The following NXPE2 variants were observed in gnomAD, a reference collection of about 807,000 sequenced individuals.
NXPE2 encodes the protein neurexophilin and PC-esterase domain family member 2, also known as NXPE family member 2.
In NXPE2, 34 loss-of-function variants were observed where a neutral mutation model predicts 34.4. That is an observed-to-expected ratio of 0.99 (90% confidence interval 0.75 to 1.31). The LOEUF is 1.31. NXPE2 is among the 40% of genes most tolerant of loss of function. NXPE2 has a pLI of 0.00. For missense variants in NXPE2, 649 were observed against 672.5 expected, an observed-to-expected ratio of 0.97 and a Z score of 0.39; for synonymous variants, 235 against 231.3, an observed-to-expected ratio of 1.02 and a Z score of -0.15.
the NXPE2 span, among the ~76,000 whole-genome samples, chr11:114,556,225 A>G: frequency 6.6e-6 from 1 of 152,230 alleles, no homozygotes; most frequent in Admixed American, 6.5e-5. Context: ...ATTTACTTTA[A>G]GGTGGGTCTT....
chr11:114,759,048 GCACA>G, the NXPE2 span, among the ~76,000 whole-genome samples: 1 of 151,906 alleles, frequency 6.6e-6, no homozygotes, highest in South Asian at 2.1e-4. Flanking sequence ...ACACTCCACA[GCACA>G]CACACACGTG....
the NXPE2 span, among the ~76,000 whole-genome samples, chr11:114,567,550 G>C: frequency 6.6e-6 from 1 of 151,812 alleles, no homozygotes; most frequent in African/African-American, 2.4e-5. Context: ...ACCACATAGA[G>C]ATTCCTTTTA....
chr11:114,602,718 T>A, the NXPE2 span, among the ~76,000 whole-genome samples: 1 of 92,126 alleles, frequency 1.1e-5, no homozygotes, highest in Non-Finnish European at 2.1e-5. Flanking sequence ...CAGAATCACA[T>A]ATAATTATCT....
At chr11:114,737,505 A>T in the NXPE2 span, among the ~76,000 whole-genome samples, 1 of 152,230 alleles carries the variant, frequency 6.6e-6, no homozygotes. Flanking sequence ...CTTCTTGAGT[A>T]CTTACAGTGT....
the NXPE2 span, chr11:114,529,412 A>G: frequency 6.6e-6 from 1 of 152,266 alleles, no homozygotes; most frequent in Non-Finnish European, 1.5e-5. Flanking sequence ...GTTTCATTCT[A>G]ATCAACAAAG....
chr11:114,733,280 A>G, the NXPE2 span, among the ~76,000 whole-genome samples: 1 of 152,128 alleles, frequency 6.6e-6, no homozygotes, highest in Non-Finnish European at 1.5e-5. Flanking sequence ...TTTTTAGTAC[A>G]GACGGGGTTT....
chr11:114,510,445 A>G, the NXPE2 span, among the ~76,000 whole-genome samples: 3 of 152,090 alleles, frequency 2.0e-5, no homozygotes, highest in African/African-American at 7.2e-5. Flanking sequence ...TTGTTGCCCA[A>G]GCTGGTCTCA....
At chr11:114,564,563 A>C in the NXPE2 span, among the ~76,000 whole-genome samples, 2 of 152,164 alleles carry the variant, frequency 1.3e-5, no homozygotes, top group Non-Finnish European at 2.9e-5. Context: ...AATACAGAAT[A>C]GCCATATGAA....
At chr11:114,647,916 C>T in the NXPE2 span, among the ~76,000 whole-genome samples, 148 of 152,148 alleles carry the variant, frequency 9.7e-4, 1 homozygote, top group East Asian at 0.027. Flanking sequence ...TGCCCAGTCT[C>T]GTCTTGAACT....
the NXPE2 span, among the ~76,000 whole-genome samples, chr11:114,533,298 G>A: frequency 8.8e-4 from 134 of 152,196 alleles, no homozygotes; most frequent in African/African-American, 3.1e-3. Context: ...CAATACATTC[G>A]AGCGGGGTGG....
the NXPE2 span, among the ~76,000 whole-genome samples, chr11:114,638,362 C>A: frequency 2.0e-5 from 3 of 151,904 alleles, no homozygotes; most frequent in African/African-American, 7.2e-5. Context: ...GTTATCCATT[C>A]GTCTAAATTT....
the NXPE2 span, among the ~76,000 whole-genome samples, chr11:114,591,354 T>C: frequency 6.6e-6 from 1 of 152,332 alleles, no homozygotes; most frequent in Admixed American, 6.5e-5. Context: ...ATGAATCTAC[T>C]ATAAATTACC....
the NXPE2 span, among the ~76,000 whole-genome samples, chr11:114,721,155 G>A: frequency 6.6e-6 from 1 of 152,098 alleles, no homozygotes; most frequent in Non-Finnish European, 1.5e-5. Flanking sequence ...GGGGGTTGCG[G>A]GTTGTGAGTG....
chr11:114,480,976 G>T, the NXPE2 span, among the ~76,000 whole-genome samples: 1 of 152,164 alleles, frequency 6.6e-6, no homozygotes, highest in Admixed American at 6.6e-5. Flanking sequence ...ACTAGGGGAT[G>T]GAGAGGGACC....
At chr11:114,734,320 C>A in the NXPE2 span, among the ~76,000 whole-genome samples, 1 of 152,110 alleles carries the variant, frequency 6.6e-6, no homozygotes, top group African/African-American at 2.4e-5. Flanking sequence ...TTTAAAAGCT[C>A]TGCTATTTGC....
the NXPE2 span, chr11:114,594,834 G>A: frequency 6.9e-6 from 6 of 863,830 alleles, no homozygotes; most frequent in Admixed American, 1.5e-4. Flanking sequence ...AAACAAACAT[G>A]GGAAACATTT....
chr11:114,645,117 C>T, the NXPE2 span, among the ~76,000 whole-genome samples: 1 of 151,842 alleles, frequency 6.6e-6, no homozygotes, highest in Non-Finnish European at 1.5e-5. Context: ...GCCTGGCCAA[C>T]ATGGTGAAAC....
chr11:114,617,110 G>T, the NXPE2 span, among the ~76,000 whole-genome samples: 1 of 151,780 alleles, frequency 6.6e-6, no homozygotes, highest in Non-Finnish European at 1.5e-5. Context: ...GTGTTGCCTC[G>T]TGGGTAACCA....
At chr11:114,500,138 G>C in the NXPE2 span, among the ~76,000 whole-genome samples, 6 of 151,932 alleles carry the variant, frequency 3.9e-5, no homozygotes, top group African/African-American at 1.5e-4. Context: ...TGCATATTTA[G>C]TGGAATTTCT....
Sources: allele counts gnomAD v4.1 joint callset (sites outside exome capture counted in the v4.1 genomes callset), GRCh38; gene constraint gnomAD v4.1.1; transcripts MANE v1.5; gene names NCBI Gene and HGNC (gene_info 2026-07-23, HGNC 2026-07-21).